The following ADAMTS20 variants were observed in gnomAD, a reference collection of about 807,000 sequenced individuals.
ADAMTS20 encodes the protein A disintegrin and metalloproteinase with thrombospondin motifs 20.
ADAMTS20 carries 225 observed loss-of-function variants against 260.1 expected under a neutral mutation model. The observed-to-expected ratio is 0.87, with a 90% CI of 0.78 to 0.97. The LOEUF (loss-of-function observed/expected upper bound fraction) is 0.97, where lower values mean the gene tolerates loss of function less well. Ranked by LOEUF, ADAMTS20 falls within the 50% of genes least tolerant of loss-of-function variation. The pLI is 0.00. For synonymous variants in ADAMTS20, 802 were observed against 769.5 expected (o/e 1.04, Z -0.70); for missense variants, 2,400 against 2,337.7 (o/e 1.03, Z -0.55).
chr12:43,507,583 A>G (rs1172557552), intron 3 of ADAMTS20, among the ~76,000 whole-genome samples: 1 of 152,234 alleles, frequency 6.6e-6, no homozygotes, highest in Non-Finnish European at 1.5e-5. Flanking sequence ...CTAAGAAATT[A>G]TATATCTCAA....
intron 7 of ADAMTS20, among the ~76,000 whole-genome samples, chr12:43,470,165 T>C (rs765765931): frequency 6.6e-6 from 1 of 152,200 alleles, no homozygotes; most frequent in Non-Finnish European, 1.5e-5. Context: ...TGGATCATCA[T>C]CTTATTATAT....
rs777927735 is a variant in ADAMTS20 at position 43,434,348 on chromosome 12, A to G, written c.2617T>C (p.Cys873Arg). Residue 873 changes from cysteine to arginine, a missense_variant, in exon 19 of 39, where the codon TGC (cysteine) becomes CGC (arginine). Cys to Arg is a radical substitution (Grantham distance 180, BLOSUM62 -3). Coordinates refer to ENST00000389420, the MANE Select transcript of ADAMTS20 (RefSeq NM_025003.5). ...CQGLQRRNITCIHKSDHSVVS... is the reference protein window; with the variant it reads ...CQGLQRRNITRIHKSDHSVVS... ...ACACTATGATCACTCTTATGTATGC[A>G]AGTTATGTTTCTTCGCTGAAGACCT... 1.3e-6 allele frequency: 2 copies of G among 1,586,610 alleles called. No individual in the cohort carries two copies. Among genetic ancestry groups the G allele is most frequent in the Non-Finnish European group, 1.7e-6 (2 of 1,166,130 alleles).
At chr12:43,375,543 G>A in intron 35 of ADAMTS20, 31 bp from the exon 36 acceptor site, 3 of 1,610,090 alleles carry the variant, frequency 1.9e-6, no homozygotes, top group Non-Finnish European at 2.5e-6. Flanking sequence ...TTTAGTATTA[G>A]ATGCAGTTAC....
chr12:43,454,102 A>G (rs1205478906), intron 11 of ADAMTS20, 50 bp from the exon 12 acceptor site: 8 of 1,575,170 alleles, frequency 5.1e-6, no homozygotes, highest in Non-Finnish European at 6.9e-6. Context: ...TCTAATTAGA[A>G]CATCACAAAA....
chr12:43,391,802 T>C (rs1479674801), intron 29 of ADAMTS20, among the ~76,000 whole-genome samples: 3 of 152,152 alleles, frequency 2.0e-5, no homozygotes, highest in African/African-American at 7.2e-5. Flanking sequence ...AGAAAAAAAT[T>C]TAAAGCCCAC....
At position 43,427,345 on chromosome 12, in the gene ADAMTS20, C is replaced by T. The variant is rs377416138; in HGVS notation, c.4070G>A (p.Gly1357Glu). 2.4e-5 allele frequency: 39 copies of T among 1,613,826 alleles called. 1 individual carries two copies. Among genetic ancestry groups the T allele is most frequent in the Admixed American group, 2.0e-4 (12 of 59,978 alleles). ...TCCGTAGTTCCACTGTGGACAAGGC[C>T]CTGGACCACATTGCTGTAACTCTGG... The part of the protein sequence containing the change: ...KPPELQQCGP[G>E]PCPQWNYGNW... Residue 1357 changes from glycine to glutamate, a missense_variant, in exon 27 of 39, where the codon GGG (glycine) becomes GAG (glutamate). By Grantham distance (98) the Gly-to-Glu change is moderately conservative. Transcript: ENST00000389420.
chr12:43,382,268 A>G (rs1253115940), intron 31 of ADAMTS20, among the ~76,000 whole-genome samples: 5 of 152,186 alleles, frequency 3.3e-5, no homozygotes, highest in African/African-American at 1.2e-4. Context: ...GACAAAATAT[A>G]GTATATTCCT....
intron 3 of ADAMTS20, among the ~76,000 whole-genome samples, chr12:43,519,238 G>T (rs1198619526): frequency 6.6e-6 from 1 of 152,168 alleles, no homozygotes; most frequent in East Asian, 1.9e-4. Context: ...TAAAAATTAT[G>T]TATTCATAAT....
intron 7 of ADAMTS20, among the ~76,000 whole-genome samples, chr12:43,488,155 C>T (rs894238596): frequency 4.0e-5 from 6 of 151,416 alleles, no homozygotes; most frequent in South Asian, 2.1e-4. Flanking sequence ...GGGAGTTGAG[C>T]GAGGGAAGAA....
intron 28 of ADAMTS20, 43 bp from the exon 29 acceptor site, chr12:43,399,276 A>G: frequency 7.2e-7 from 1 of 1,383,322 alleles, no homozygotes; most frequent in South Asian, 1.8e-5. Context: ...TTTCTTCTTG[A>G]TTAATTTAAG....
Position 43,427,302 on chromosome 12 carries a change from A to T in ADAMTS20, c.4107+6T>A. On this transcript the variant is annotated splice_donor_region_variant and intron_variant, in intron 27 of 38. Coordinates refer to ENST00000389420, the MANE Select transcript of ADAMTS20 (RefSeq NM_025003.5). ...TCTCACAAGTTTAGAAAATATTATG[A>T]CTTACTTCTCCCCAATTTCCGTAGT... 6.2e-7 allele frequency: 1 copy of T among 1,610,792 alleles called. No individual in the cohort carries two copies. Among genetic ancestry groups the T allele is most frequent in the East Asian group, 2.2e-5 (1 of 44,874 alleles).
intron 3 of ADAMTS20, among the ~76,000 whole-genome samples, chr12:43,510,128 G>A (rs1942902251): frequency 6.6e-6 from 1 of 152,028 alleles, no homozygotes; most frequent in Non-Finnish European, 1.5e-5. Flanking sequence ...GATATGGAAG[G>A]ATGTCCAGAA....
intron 3 of ADAMTS20, among the ~76,000 whole-genome samples, chr12:43,507,258 T>A (rs1183079116): frequency 6.6e-6 from 1 of 152,138 alleles, no homozygotes; most frequent in East Asian, 1.9e-4. Flanking sequence ...TCAATAAAGC[T>A]GGGGTGGGGG....
chr12:43,537,275 G>A (rs1456702852), intron 2 of ADAMTS20, among the ~76,000 whole-genome samples: 6 of 151,360 alleles, frequency 4.0e-5, no homozygotes, highest in East Asian at 1.9e-4. Flanking sequence ...GGCTGGTCCC[G>A]AACTCCTGAG....
rs531130569 is a variant in ADAMTS20, at chr12:43,393,148, A to G, written c.4452+5918T>C. Among the ~76,000 whole-genome samples, 5 of 152,214 alleles carry G rather than the reference A, an allele frequency of 3.3e-5. 1 individual carries two copies. Among genetic ancestry groups the G allele is most frequent in the African/African-American group, 9.6e-5 (4 of 41,576 alleles). On this transcript the variant is annotated intron_variant, in intron 29 of 38. Transcript: ENST00000389420. ...CTAAGGTTGTAGATACAGGGAAAAC[A>G]CTATCATCCACTCTTAAGTGGCTTA...
At chr12:43,437,099 C>CA (rs1447020799) in intron 18 of ADAMTS20, among the ~76,000 whole-genome samples, 1 of 151,918 alleles carries the variant, frequency 6.6e-6, no homozygotes, top group African/African-American at 2.4e-5. Context: ...GTAAAATAAA[C>CA]AAAAACAAAA....
At chr12:43,547,542 T>C (rs915170173) in intron 2 of ADAMTS20, among the ~76,000 whole-genome samples, 2 of 152,150 alleles carry the variant, frequency 1.3e-5, no homozygotes, top group Non-Finnish European at 2.9e-5. Flanking sequence ...AAGGGTTCCC[T>C]ACACACATCA....
intron 29 of ADAMTS20, 47 bp downstream of exon 29, chr12:43,399,019 T>C (rs1040160208): frequency 8.4e-7 from 1 of 1,194,594 alleles, no homozygotes. Flanking sequence ...ATTTTCTTTT[T>C]AAATACAAAA....
intron 28 of ADAMTS20, among the ~76,000 whole-genome samples, chr12:43,417,774 A>C (rs1317699550): frequency 2.0e-5 from 3 of 152,204 alleles, no homozygotes; most frequent in African/African-American, 7.2e-5. Flanking sequence ...CAGGAAAATA[A>C]GCAAGATTTA....
Sources: allele counts gnomAD v4.1 joint callset (sites outside exome capture counted in the v4.1 genomes callset), GRCh38; gene constraint gnomAD v4.1.1; transcripts MANE v1.5; gene names NCBI Gene and HGNC (gene_info 2026-07-23, HGNC 2026-07-21).